DSCAML1: variants seen among roughly 807,000 people sequenced by gnomAD.
The protein encoded by DSCAML1 is DS cell adhesion molecule like 1.
A neutral mutation model predicts 200.5 loss-of-function variants in DSCAML1; 38 were observed. The observed-to-expected ratio is 0.19, with a 90% confidence interval of 0.15 to 0.25. The LOEUF (loss-of-function observed/expected upper bound fraction) is 0.25, where lower values mean the gene tolerates loss of function less well. Ranked by LOEUF, DSCAML1 falls within the 10% of genes least tolerant of loss-of-function variation. DSCAML1 has a pLI of 1.00. For synonymous variants in DSCAML1, 1,215 were observed against 1,165.0 expected, an observed-to-expected ratio of 1.04 and a Z score of -0.87; for missense variants, 2,223 against 2,858.8, an observed-to-expected ratio of 0.78 and a Z score of 5.07.
chr11:117,457,116 CTAAG>C (rs2048387175), intron 19 of DSCAML1, among the ~76,000 whole-genome samples: 1 of 152,074 alleles, frequency 6.6e-6, no homozygotes, highest in Non-Finnish European at 1.5e-5. Flanking sequence ...TTCAGGAAGG[CTAAG>C]TGACTTCCCC....
chr11:117,604,293 A>C (rs1404248382), intron 3 of DSCAML1, among the ~76,000 whole-genome samples: 1 of 150,070 alleles, frequency 6.7e-6, no homozygotes, highest in Non-Finnish European at 1.5e-5. Context: ...GAAGTGGCCC[A>C]ACACGGCTGC....
chr11:117,648,154 C>T (rs757947568), intron 3 of DSCAML1, among the ~76,000 whole-genome samples: 11 of 152,194 alleles, frequency 7.2e-5, no homozygotes, highest in Admixed American at 3.9e-4. Flanking sequence ...CCCGTCTTTA[C>T]GCACTCATTC....
chr11:117,586,782 A>G (rs1244000688), intron 3 of DSCAML1, among the ~76,000 whole-genome samples: 3 of 152,218 alleles, frequency 2.0e-5, no homozygotes, highest in African/African-American at 4.8e-5. Flanking sequence ...CTCTGGGGAC[A>G]TTGCCTGAGG....
chr11:117,570,284 C>T (rs1486200455), intron 3 of DSCAML1, among the ~76,000 whole-genome samples: 1 of 152,090 alleles, frequency 6.6e-6, no homozygotes, highest in Non-Finnish European at 1.5e-5. Flanking sequence ...CTAGAGCATT[C>T]CTCAATACCT....
At chr11:117,696,445 A>G (rs2053587898) in intron 3 of DSCAML1, among the ~76,000 whole-genome samples, 1 of 152,252 alleles carries the variant, frequency 6.6e-6, no homozygotes, top group Non-Finnish European at 1.5e-5. Flanking sequence ...TAGAAATCAT[A>G]AATGTATAAT....
intron 3 of DSCAML1, among the ~76,000 whole-genome samples, chr11:117,643,876 G>A (rs1176532506): frequency 6.6e-6 from 1 of 152,234 alleles, no homozygotes; most frequent in African/African-American, 2.4e-5. Context: ...CACAGGGGAA[G>A]AAGGAGAGTT....
In DSCAML1 at chr11:117,450,675, A is replaced by G; in HGVS notation, c.3582T>C (p.Pro1194=). The part of the protein sequence containing the change: ...IQTKEDVPGP[P]AGIKAVPSSA... ...ATGAAGGGACAGCTTTGATGCCAGC[A>G]GGGGGACCTGGAACTGAGCAGGGAG... Residue 1194 remains proline, a synonymous_variant, in exon 20 of 33, where the codon CCT becomes CCC. Coordinates refer to ENST00000651296, the MANE Select transcript of DSCAML1 (RefSeq NM_020693.4). The G allele has an allele frequency of 1.9e-6, 3 of 1,614,032 alleles. No homozygotes were observed. Among genetic ancestry groups the G allele is most frequent in the Non-Finnish European group, 2.5e-6 (3 of 1,179,996 alleles).
rs193173335 is a variant in DSCAML1 at position 117,586,532 on chromosome 11, C to A, written c.512-54010G>T. 1.7e-3 allele frequency among the ~76,000 whole-genome samples: 264 copies of A among 152,310 alleles called. 1 individual carries two copies. Among genetic ancestry groups the A allele is most frequent in the Non-Finnish European group, 1.2e-3 (85 of 68,020 alleles). On this transcript the variant is annotated intron_variant, in intron 3 of 32. Coordinates refer to ENST00000651296, the MANE Select transcript of DSCAML1 (RefSeq NM_020693.4). The stretch of plus-strand genomic sequence containing the variant: ...TCACAGAGCTGAGACCTTGACCCAG[C>A]TCTCTCTGTTCTCAGTTCTCAAGTT...
At chr11:117,815,038 G>C (rs908986913) in intron 1 of DSCAML1, among the ~76,000 whole-genome samples, 2 of 152,208 alleles carry the variant, frequency 1.3e-5, no homozygotes, top group African/African-American at 4.8e-5. Context: ...TCCTGGCTCG[G>C]GGCCAAGCCA....
At chr11:117,733,730 A>G (rs2054266505) in intron 3 of DSCAML1, among the ~76,000 whole-genome samples, 2 of 152,278 alleles carry the variant, frequency 1.3e-5, no homozygotes, top group African/African-American at 4.8e-5. Flanking sequence ...TGGATAAGTC[A>G]TCTTCCTCTG....
rs1244889649 is a variant in DSCAML1, at chr11:117,489,234, CTGGGGCAGGCAG to C, written c.2360-7084_2360-7073del. ...GGCGGGGCAGCTGCAGCAGGTACTC[CTGGGGCAGGCAG>C]TGGGGACTGCTGCTTTAGGGGTGCA... On this transcript the variant is annotated intron_variant, in intron 11 of 32. Transcript: ENST00000651296. This position sits in a 1 kb window ranked among gnomAD's most constrained non-coding sequence, Gnocchi z 4.8. 6.6e-6 allele frequency among the ~76,000 whole-genome samples: 1 copy of C among 152,028 alleles called. No individual in the cohort carries two copies. Among genetic ancestry groups the C allele is most frequent in the African/African-American group, 2.4e-5 (1 of 41,324 alleles).
chr11:117,797,216 TGCGGCG>T (rs758058343), upstream of DSCAML1: 3 of 1,491,510 alleles, frequency 2.0e-6, no homozygotes, highest in African/African-American at 1.5e-5. Flanking sequence ...AGCGCTCGGC[TGCGGCG>T]GCGGCTCCTC....
intron 8 of DSCAML1, among the ~76,000 whole-genome samples, chr11:117,511,657 C>T (rs1322595163): frequency 1.3e-5 from 2 of 152,192 alleles, no homozygotes; most frequent in Admixed American, 6.5e-5. Context: ...AAGCACCCTC[C>T]ACCCTCTCTC....
At chr11:117,741,177 C>T (rs1255302253) in intron 3 of DSCAML1, among the ~76,000 whole-genome samples, 4 of 152,204 alleles carry the variant, frequency 2.6e-5, no homozygotes, top group African/African-American at 9.7e-5. Flanking sequence ...GTAAAGCAGC[C>T]GCCCAGCCAG....
chr11:117,704,690 C>T (rs1372740239), intron 3 of DSCAML1, among the ~76,000 whole-genome samples: 1 of 152,162 alleles, frequency 6.6e-6, no homozygotes, highest in African/African-American at 2.4e-5. Flanking sequence ...TGTTTCGCTC[C>T]AGCCAAAGGG....
rs374487082 is a variant in DSCAML1 at position 117,780,770 on chromosome 11, A to G, written c.87T>C (p.Asn29=). The G allele has an allele frequency of 4.6e-6, 7 of 1,510,664 alleles. No individual in the cohort carries two copies. The African/African-American group carries it at 8.4e-5, about 18-fold the overall frequency. The allele number at this position is 1,510,664 out of a possible 1,614,324, so 93.6% of individuals were successfully genotyped here. A position where few individuals can be genotyped will look rare whatever the true frequency, so the allele number is the denominator to read the frequency against. ...AAAAGGTCACCTGCTGCAAGGAGTC[A>G]TTTACAAAGTAGAGGCTGGTGCCAA... is the stretch of plus-strand genomic sequence containing the variant. The part of the protein sequence containing the change: ...EDVGTSLYFV[N]DSLQQVTFSS... Residue 29 remains asparagine, a synonymous_variant, in exon 2 of 33, where the codon AAT becomes AAC. Coordinates refer to ENST00000651296, the MANE Select transcript of DSCAML1 (RefSeq NM_020693.4). The surrounding 1 kb of genome is among the most constrained non-coding windows in gnomAD (Gnocchi z 4.8).
intron 4 of DSCAML1, among the ~76,000 whole-genome samples, chr11:117,528,667 T>G (rs188062265): frequency 5.3e-5 from 8 of 152,286 alleles, no homozygotes; most frequent in African/African-American, 1.9e-4. Context: ...CTCTGTCCTT[T>G]GTGAGCTGGG....
intron 3 of DSCAML1, among the ~76,000 whole-genome samples, chr11:117,587,294 G>A (rs1258560564): frequency 6.9e-6 from 1 of 144,288 alleles, no homozygotes; most frequent in Non-Finnish European, 1.5e-5. Context: ...TTCCTATATT[G>A]TAGTGGAAGA....
chr11:117,734,831 C>T (rs1023978982), intron 3 of DSCAML1, among the ~76,000 whole-genome samples: 1 of 152,134 alleles, frequency 6.6e-6, no homozygotes, highest in Non-Finnish European at 1.5e-5. Flanking sequence ...AGGACTGAGG[C>T]TGGGGCTGGG....
Sources: gnomAD v4.1 joint callset for allele counts (sites outside exome capture counted in the v4.1 genomes callset) on GRCh38, gnomAD v4.1.1 for gene constraint, Gnocchi (gnomAD v3.1) non-coding constraint, MANE v1.5 for transcripts, NCBI Gene and HGNC (gene_info 2026-07-23, HGNC 2026-07-21) for gene names.